The following PISD variants were observed in gnomAD, a reference collection of about 807,000 sequenced individuals.
PISD encodes phosphatidylserine decarboxylase proenzyme, mitochondrial.
In PISD, 31 loss-of-function variants were observed where a neutral mutation model predicts 43.5. The observed-to-expected ratio is 0.71, with a 90% CI of 0.54 to 0.96. PISD has a LOEUF of 0.96. Among genes scored for constraint, PISD ranks in the 40% least tolerant of loss-of-function variants. The pLI, the probability that PISD is intolerant of heterozygous loss-of-function variation, is 0.00. For synonymous variants in PISD, 259 were observed against 228.7 expected (o/e 1.13, Z -1.20); for missense variants, 523 against 548.4 (o/e 0.95, Z 0.46).
intron 1 of PISD, among the ~76,000 whole-genome samples, chr22:31,661,719 C>T (rs2074322709): frequency 6.6e-6 from 1 of 152,164 alleles, no homozygotes; most frequent in Admixed American, 6.6e-5. Flanking sequence ...CCTAACCTAA[C>T]CCTCTAGCTT....
intron 1 of PISD, among the ~76,000 whole-genome samples, chr22:31,661,281 C>G (rs182853003): frequency 2.0e-5 from 3 of 152,172 alleles, no homozygotes; most frequent in African/African-American, 7.2e-5. Context: ...AATAGGTTAT[C>G]CTCTGATCAA....
chr22:31,640,044 C>A (rs760584493), intron 3 of PISD, among the ~76,000 whole-genome samples: 1 of 152,132 alleles, frequency 6.6e-6, no homozygotes, highest in Non-Finnish European at 1.5e-5. Context: ...CAGGTTGAAT[C>A]AGGGACTCAA....
At chr22:31,622,561 TG>T (rs1274980468) in intron 3 of PISD, among the ~76,000 whole-genome samples, 1 of 152,162 alleles carries the variant, frequency 6.6e-6, no homozygotes, top group Non-Finnish European at 1.5e-5. Flanking sequence ...AGCCCCACCT[TG>T]GCCCCACGGC....
At position 31,625,751 on chromosome 22, in the gene PISD, G is replaced by A. The variant is rs991524990; in HGVS notation, c.322-3866C>T. 3.2e-6 allele frequency: 5 copies of A among 1,578,710 alleles called. No individual in the cohort carries two copies. In the African/African-American group the frequency reaches 5.4e-5, roughly 17 times the overall value. On this transcript the variant is annotated intron_variant, in intron 3 of 7. Transcript: ENST00000439502. ...GAACCGTGGGGTTAGGGCGCGGTGG[G>A]CAGCATCTCACCATTTCGCCGCGCG...
intron 1 of PISD, among the ~76,000 whole-genome samples, chr22:31,653,522 C>T (rs981386926): frequency 2.0e-5 from 3 of 152,206 alleles, no homozygotes; most frequent in Non-Finnish European, 4.4e-5. Context: ...GTTTGTTTTG[C>T]ATATCCATCT....
intron 3 of PISD, chr22:31,625,580 C>G: frequency 1.5e-6 from 1 of 687,580 alleles, no homozygotes; most frequent in Non-Finnish European, 2.4e-6. Flanking sequence ...ACCAAAGATA[C>G]CTGAAGCGGG....
chr22:31,662,100 C>G, intron 1 of PISD, 44 bp downstream of exon 1: 1 of 1,555,598 alleles, frequency 6.4e-7, no homozygotes, highest in African/African-American at 1.4e-5. Context: ...CAGCTTGGTC[C>G]AGGTTGCCCC....
At chr22:31,622,728 C>T (rs1318090187) in intron 3 of PISD, among the ~76,000 whole-genome samples, 1 of 152,236 alleles carries the variant, frequency 6.6e-6, no homozygotes, top group Non-Finnish European at 1.5e-5. Flanking sequence ...AGACGATGGC[C>T]TGGGGACAAG....
chr22:31,625,667 G>T, intron 3 of PISD: 1 of 1,470,534 alleles, frequency 6.8e-7, no homozygotes. Flanking sequence ...TCCCCTTGCC[G>T]CCACCTCTAC....
chr22:31,656,649 A>AAAAAAAAT (rs781109098), intron 1 of PISD, among the ~76,000 whole-genome samples: 1 of 149,146 alleles, frequency 6.7e-6, no homozygotes, highest in Non-Finnish European at 1.5e-5. Context: ...CTGCGTCTCA[A>AAAAAAAAT]AAATAAATAA....
intron 3 of PISD, among the ~76,000 whole-genome samples, chr22:31,636,154 G>T (rs891245981): frequency 1.3e-5 from 2 of 152,236 alleles, no homozygotes; most frequent in African/African-American, 4.8e-5. Flanking sequence ...TCCAGGAAGG[G>T]GACAGGGAGA....
At chr22:31,647,506 C>CA (rs1017720290) in intron 3 of PISD, among the ~76,000 whole-genome samples, 6 of 151,298 alleles carry the variant, frequency 4.0e-5, no homozygotes, top group East Asian at 3.9e-4. Flanking sequence ...ATTATGGCTG[C>CA]AAAAAAAAGG....
chr22:31,625,696 G>C, intron 3 of PISD: 1 of 1,547,336 alleles, frequency 6.5e-7, no homozygotes, highest in Non-Finnish European at 8.7e-7. Flanking sequence ...CGCTGGATGT[G>C]AACTCTGACC....
intron 3 of PISD, among the ~76,000 whole-genome samples, chr22:31,636,833 C>T (rs569267224): frequency 2.0e-4 from 31 of 151,900 alleles, no homozygotes; most frequent in Admixed American, 1.8e-3. Flanking sequence ...TGAGCCACCA[C>T]GCCCAGCCTA....
intron 3 of PISD, among the ~76,000 whole-genome samples, chr22:31,637,933 G>C (rs2073561626): frequency 6.6e-6 from 1 of 152,242 alleles, no homozygotes; most frequent in Non-Finnish European, 1.5e-5. Context: ...GAGTGGCAAG[G>C]AAGGAGGATC....
At chr22:31,633,526 T>C (rs146121782) in intron 3 of PISD, among the ~76,000 whole-genome samples, 10 of 152,246 alleles carry the variant, frequency 6.6e-5, no homozygotes, top group African/African-American at 2.2e-4. Context: ...CCATCCTGGC[T>C]AACACGGTGA....
chr22:31,626,121 C>G, intron 3 of PISD: 2 of 1,071,536 alleles, frequency 1.9e-6, no homozygotes, highest in Non-Finnish European at 2.5e-6. Context: ...TGTCCCCAGT[C>G]CTGGCCACCT....
At chr22:31,642,457 A>C (rs1440524004) in intron 3 of PISD, among the ~76,000 whole-genome samples, 1 of 150,968 alleles carries the variant, frequency 6.6e-6, no homozygotes, top group Non-Finnish European at 1.5e-5. Flanking sequence ...CCTGCCTCAA[A>C]AAAGAAAAAC....
At chr22:31,638,821 C>CT (rs531586361) in intron 3 of PISD, 7,479 of 123,310 alleles carry the variant, frequency 0.061, 258 homozygotes, top group South Asian at 0.095. Flanking sequence ...TTTTTTCTTT[C>CT]TTTTTTTTTT....
Sources: gnomAD v4.1 joint callset for allele counts (sites outside exome capture counted in the v4.1 genomes callset) on GRCh38, gnomAD v4.1.1 for gene constraint, MANE v1.5 for transcripts, NCBI Gene and HGNC (gene_info 2026-07-23, HGNC 2026-07-21) for gene names.